The following FSTL5 variants were observed in gnomAD, a reference collection of about 807,000 sequenced individuals.
The protein encoded by FSTL5 is follistatin-related protein 5.
A neutral mutation model predicts 89.1 loss-of-function variants in FSTL5; 62 were observed. The observed-to-expected ratio is 0.70, with a 90% CI of 0.57 to 0.86. The LOEUF (loss-of-function observed/expected upper bound fraction) is 0.86, where lower values mean the gene tolerates loss of function less well. Ranked by LOEUF, FSTL5 falls within the 40% of genes least tolerant of loss-of-function variation. The probability of loss-of-function intolerance (pLI) is 0.00; values close to 1 mark genes in which losing one functional copy is unlikely to be tolerated. For missense variants in FSTL5, 1,057 were observed against 1,001.6 expected, an observed-to-expected ratio of 1.06 and a Z score of -0.75; for synonymous variants, 383 against 346.2, an observed-to-expected ratio of 1.11 and a Z score of -1.18.
chr4:161,983,128 T>G (rs753888590), intron 3 of FSTL5, among the ~76,000 whole-genome samples: 1 of 152,100 alleles, frequency 6.6e-6, no homozygotes, highest in Non-Finnish European at 1.5e-5. Flanking sequence ...TGGAGAAGGT[T>G]TTTACAGCAT....
In FSTL5 at chr4:162,099,625, A is replaced by C. The variant is rs1730906132; in HGVS notation, c.126+11646T>G. Among the ~76,000 whole-genome samples, 11 of 152,304 alleles carry C rather than the reference A, an allele frequency of 7.2e-5. No homozygotes were observed. The South Asian group carries it at 2.3e-3, about 32-fold the overall frequency. ...CTATAGAAATAAACACTGTCAAAAG[A>C]ATGAGAAGACAAACTGCATAATAAG... On this transcript the variant is annotated intron_variant, in intron 2 of 15. Coordinates refer to ENST00000306100, the MANE Select transcript of FSTL5 (RefSeq NM_020116.5).
intron 6 of FSTL5, among the ~76,000 whole-genome samples, chr4:161,710,776 G>A (rs571561017): frequency 3.9e-5 from 6 of 152,234 alleles, no homozygotes; most frequent in African/African-American, 1.4e-4. Context: ...TTATAAATCT[G>A]AAGTATAATC....
chr4:161,826,104 G>T (rs1251766333), intron 4 of FSTL5, among the ~76,000 whole-genome samples: 1 of 152,006 alleles, frequency 6.6e-6, no homozygotes, highest in Non-Finnish European at 1.5e-5. Flanking sequence ...ATTCAAAGAA[G>T]TTTTTAATTT....
At chr4:161,878,128 C>T (rs2126907723) in intron 4 of FSTL5, among the ~76,000 whole-genome samples, 1 of 152,086 alleles carries the variant, frequency 6.6e-6, no homozygotes, top group East Asian at 1.9e-4. Flanking sequence ...ATATATTCAA[C>T]ACACGGAACT....
At chr4:161,608,296 T>C (rs1475641278) in intron 7 of FSTL5, among the ~76,000 whole-genome samples, 1 of 152,136 alleles carries the variant, frequency 6.6e-6, no homozygotes, top group African/African-American at 2.4e-5. Flanking sequence ...GAATAAACTT[T>C]TTAAAGTAAC....
chr4:161,821,721 T>A (rs1016129879), intron 4 of FSTL5, among the ~76,000 whole-genome samples: 1 of 152,178 alleles, frequency 6.6e-6, no homozygotes, highest in Non-Finnish European at 1.5e-5. Context: ...TCCAATTCCA[T>A]CCAGGTCACT....
chr4:161,656,301 A>G (rs1736512562), intron 7 of FSTL5, 27 bp downstream of exon 7: 3 of 1,278,102 alleles, frequency 2.3e-6, no homozygotes, highest in South Asian at 2.8e-5. Context: ...TATATATATT[A>G]TAAAGCAACT....
At chr4:161,790,203 T>G (rs1399990463) in intron 4 of FSTL5, among the ~76,000 whole-genome samples, 1 of 152,230 alleles carries the variant, frequency 6.6e-6, no homozygotes, top group Non-Finnish European at 1.5e-5. Context: ...ATGTTTTGAT[T>G]GTTTAGATTT....
chr4:161,431,963 A>G (rs1467498870), intron 15 of FSTL5, among the ~76,000 whole-genome samples: 4 of 152,122 alleles, frequency 2.6e-5, no homozygotes, highest in Non-Finnish European at 5.9e-5. Flanking sequence ...CCAGATATAT[A>G]AAGCAAATAT....
Position 162,030,761 on chromosome 4 carries a change from T to C in FSTL5, c.160+2864A>G, listed in dbSNP as rs17041880. Among the ~76,000 whole-genome samples the C allele has an allele frequency of 6.8e-3, 1,041 of 152,318 alleles. 9 individuals are homozygous for C. Among genetic ancestry groups the C allele is most frequent in the African/African-American group, 0.023 (966 of 41,582 alleles). ...TTATTAAGTTGGCAGACTCTGTAAG[T>C]TATTTGTAAACCAATAATTACTGAA... On this transcript the variant is annotated intron_variant, in intron 3 of 15. Transcript: ENST00000306100.
At chr4:161,959,034 G>A (rs1735101259) in intron 3 of FSTL5, among the ~76,000 whole-genome samples, 1 of 152,070 alleles carries the variant, frequency 6.6e-6, no homozygotes, top group Non-Finnish European at 1.5e-5. Context: ...CCTGGGGCAA[G>A]CATAGGTCTC....
chr4:161,708,264 G>A (rs1289714872), intron 6 of FSTL5, among the ~76,000 whole-genome samples: 2 of 151,750 alleles, frequency 1.3e-5, no homozygotes, highest in Non-Finnish European at 2.9e-5. Context: ...TTACTTTTAA[G>A]CTTTTATAAC....
At chr4:162,056,082 T>C (rs1463393353) in intron 2 of FSTL5, among the ~76,000 whole-genome samples, 1 of 151,900 alleles carries the variant, frequency 6.6e-6, no homozygotes, top group African/African-American at 2.4e-5. Context: ...GAAATATTGA[T>C]AGTTACCAAA....
intron 4 of FSTL5, among the ~76,000 whole-genome samples, chr4:161,872,504 G>C (rs188352545): frequency 1.3e-5 from 2 of 152,048 alleles, no homozygotes; most frequent in Non-Finnish European, 2.9e-5. Context: ...GGAAGTACTG[G>C]CCAAGGCTAT....
At chr4:161,862,489 C>T (rs1173897805) in intron 4 of FSTL5, among the ~76,000 whole-genome samples, 1 of 152,098 alleles carries the variant, frequency 6.6e-6, no homozygotes, top group Non-Finnish European at 1.5e-5. Context: ...AATCCTAGCA[C>T]TTTGGGAGGC....
chr4:161,425,274 AAT>A (rs1017964977), intron 15 of FSTL5, among the ~76,000 whole-genome samples: 1 of 152,046 alleles, frequency 6.6e-6, no homozygotes, highest in African/African-American at 2.4e-5. Context: ...GCTAGGAAAG[AAT>A]ATATATATAT....
intron 4 of FSTL5, among the ~76,000 whole-genome samples, chr4:161,863,489 G>C (rs1731981353): frequency 6.6e-6 from 1 of 152,132 alleles, no homozygotes; most frequent in Non-Finnish European, 1.5e-5. Context: ...CAGAAATAGA[G>C]AACATTGCGA....
intron 2 of FSTL5, among the ~76,000 whole-genome samples, chr4:162,064,171 C>T (rs1367149873): frequency 2.0e-5 from 3 of 151,922 alleles, no homozygotes; most frequent in Non-Finnish European, 2.9e-5. Context: ...TCTGCTCATC[C>T]TTAAAACCAT....
chr4:161,856,910 G>A (rs921709020), intron 4 of FSTL5, among the ~76,000 whole-genome samples: 8 of 152,090 alleles, frequency 5.3e-5, no homozygotes, highest in Non-Finnish European at 1.0e-4. Context: ...AAGCCAGATT[G>A]TGGTTAGCAT....
Sources: allele counts gnomAD v4.1 joint callset (sites outside exome capture counted in the v4.1 genomes callset), GRCh38; gene constraint gnomAD v4.1.1; transcripts MANE v1.5; gene names NCBI Gene and HGNC (gene_info 2026-07-23, HGNC 2026-07-21).